The following TMEM62 variants were observed in gnomAD, a reference collection of about 807,000 sequenced individuals.
TMEM62 encodes the protein transmembrane protein 62.
In TMEM62, 41 loss-of-function variants were observed where a neutral mutation model predicts 70.4. The ratio of observed to expected loss-of-function variants is 0.58; its 90% CI spans 0.45 to 0.76. The LOEUF (loss-of-function observed/expected upper bound fraction) is 0.76, where lower values mean the gene tolerates loss of function less well. Among genes scored for constraint, TMEM62 ranks in the 30% least tolerant of loss-of-function variants. The probability of loss-of-function intolerance (pLI) is 0.00; values close to 1 mark genes in which losing one functional copy is unlikely to be tolerated. For synonymous variants in TMEM62, 268 were observed against 291.0 expected, an observed-to-expected ratio of 0.92 and a Z score of 0.80; for missense variants, 688 against 788.5, an observed-to-expected ratio of 0.87 and a Z score of 1.53.
chr15:43,134,395 G>A (rs764984979), intron 2 of TMEM62, 27 bp downstream of exon 2: 1 of 1,556,290 alleles, frequency 6.4e-7, no homozygotes. Context: ...TGCTGTGGTG[G>A]TGGTCTGTGG....
intron 4 of TMEM62, among the ~76,000 whole-genome samples, chr15:43,142,246 A>G (rs968794481): frequency 1.5e-4 from 22 of 148,644 alleles, no homozygotes; most frequent in African/African-American, 5.5e-4. Context: ...GCTCACTGCA[A>G]CCTCCGCCTC....
In TMEM62 at chr15:43,182,453, C is replaced by CT. The variant is rs1216767686; in HGVS notation, c.1605+1171dup. Among the ~76,000 whole-genome samples the CT allele has an allele frequency of 2.5e-3, 354 of 142,128 alleles. 2 individuals carry two copies. Among genetic ancestry groups the CT allele is most frequent in the South Asian group, 0.02 (93 of 4,556 alleles). 93.2% of individuals were successfully genotyped at this position (142,128 alleles called of 152,430 possible). A position where few individuals can be genotyped will look rare whatever the true frequency, so the allele number is the denominator to read the frequency against. On this transcript the variant is annotated intron_variant, in intron 13 of 13. Transcript: ENST00000260403. Reference sequence around the variant, plus strand: ...TTTCAGTTTTCTTTTCTTTTCTTTTCTTTTTTTTTTTTTTTTTGAGATGGA... The same window carrying CT: ...TTTCAGTTTTCTTTTCTTTTCTTTTCTTTTTTTTTTTTTTTTTTGAGATGGA...
At chr15:43,183,411 G>C (rs146571402) in intron 13 of TMEM62, among the ~76,000 whole-genome samples, 1 of 152,314 alleles carries the variant, frequency 6.6e-6, no homozygotes, top group Non-Finnish European at 1.5e-5. Context: ...AGTGATCTGG[G>C]TCCTGCCGAC....
At chr15:43,167,645 C>A (rs1466757363) in intron 10 of TMEM62, among the ~76,000 whole-genome samples, 1 of 149,644 alleles carries the variant, frequency 6.7e-6, no homozygotes, top group East Asian at 2.0e-4. Flanking sequence ...CCAGACTGGG[C>A]AGCCAGGCAG....
chr15:43,184,781 A>G lies in TMEM62; in HGVS notation c.*195A>G, dbSNP rs2041739516. On this transcript the variant is annotated 3_prime_UTR_variant, in exon 14 of 14. Coordinates refer to ENST00000260403, the MANE Select transcript of TMEM62 (RefSeq NM_024956.4). ...CAGAATGGACTGCAGAAAAGTCTCAAAAATAATGCCTTTATTCCTTCCCTC... is the reference window on the plus strand; with the variant it reads ...CAGAATGGACTGCAGAAAAGTCTCAGAAATAATGCCTTTATTCCTTCCCTC... The G allele has an allele frequency of 3.4e-6, 2 of 593,206 alleles. No individual in the cohort carries two copies. The highest frequency in any genetic ancestry group is 1.9e-5 in the African/African-American group (1 of 53,854). The allele number at this position is 593,206 out of a possible 1,614,324, so 36.7% of individuals were successfully genotyped here.
At chr15:43,142,542 C>T (rs1309608889) in intron 4 of TMEM62, among the ~76,000 whole-genome samples, 2 of 152,126 alleles carry the variant, frequency 1.3e-5, no homozygotes, top group Admixed American at 6.5e-5. Flanking sequence ...ACCACAGCCA[C>T]CCCAACCACC....
At chr15:43,153,659 TGTGTGTGTG>T (rs1283090845) in intron 8 of TMEM62, among the ~76,000 whole-genome samples, 1 of 31,836 alleles carries the variant, frequency 3.1e-5, no homozygotes. Flanking sequence ...CATTGTACAT[TGTGTGTGTG>T]TGTGTGTGTG....
Position 43,149,031 on chromosome 15 carries a change from C to T in TMEM62, c.746C>T (p.Ser249Leu), listed in dbSNP as rs1270741636. The T allele has an allele frequency of 6.8e-6, 11 of 1,613,378 alleles. No individual in the cohort carries two copies. Among genetic ancestry groups the T allele is most frequent in the South Asian group, 5.5e-5 (5 of 90,864 alleles). ...TTCATTTATTTTTCATTGGTTAGTT[C>T]GGCTATAGCTTATTTGTGTGGACAT... ...PSPGIRSIMS[S>L]AIAYLCGHLH... Residue 249 changes from serine to leucine, a missense_variant and splice_region_variant, in exon 7 of 14, where the codon TCG becomes TTG. Transcript: ENST00000260403.
intron 9 of TMEM62, among the ~76,000 whole-genome samples, chr15:43,158,384 T>C (rs2038296799): frequency 6.6e-6 from 1 of 152,218 alleles, no homozygotes; most frequent in South Asian, 2.1e-4. Flanking sequence ...TCCTGATTTG[T>C]AGCATTTCCC....
At chr15:43,159,015 T>C (rs1209973679) in intron 9 of TMEM62, among the ~76,000 whole-genome samples, 3 of 152,246 alleles carry the variant, frequency 2.0e-5, no homozygotes, top group Admixed American at 2.0e-4. Flanking sequence ...CCCAGTAGTC[T>C]TTGTTCGTTT....
chr15:43,139,718 A>T (rs2035731730), intron 4 of TMEM62, among the ~76,000 whole-genome samples: 2 of 152,254 alleles, frequency 1.3e-5, no homozygotes, highest in Admixed American at 1.3e-4. Context: ...ATCCAGAGCA[A>T]GATCCTAACT....
At chr15:43,144,307 C>G (rs896721295) in intron 4 of TMEM62, among the ~76,000 whole-genome samples, 7 of 152,176 alleles carry the variant, frequency 4.6e-5, no homozygotes, top group African/African-American at 1.4e-4. Flanking sequence ...AACATTCATA[C>G]TGAGGACTAG....
chr15:43,181,144 T>G, intron 12 of TMEM62, 37 bp from the exon 13 acceptor site: 1 of 1,274,092 alleles, frequency 7.8e-7, no homozygotes, highest in Non-Finnish European at 1.1e-6. Flanking sequence ...ATTATAGTTA[T>G]TTAATCTCCT....
intron 1 of TMEM62, 76 bp from the exon 2 acceptor site, chr15:43,134,181 A>G (rs994660192): frequency 6.5e-7 from 1 of 1,531,918 alleles, no homozygotes; most frequent in Non-Finnish European, 9.0e-7. Flanking sequence ...TCTGCCCGAG[A>G]GAGCCGCTGA....
At chr15:43,175,262 A>G (rs1380850933) in intron 11 of TMEM62, among the ~76,000 whole-genome samples, 1 of 152,242 alleles carries the variant, frequency 6.6e-6, no homozygotes, top group African/African-American at 2.4e-5. Context: ...AAAGTAGGAA[A>G]GGTCATGCAT....
intron 8 of TMEM62, among the ~76,000 whole-genome samples, 164 bp downstream of exon 8, chr15:43,152,109 G>C (rs969991394): frequency 1.3e-5 from 2 of 152,052 alleles, no homozygotes; most frequent in South Asian, 2.1e-4. Context: ...TTTCCATTAA[G>C]TTAAAAAGCA....
intron 11 of TMEM62, among the ~76,000 whole-genome samples, chr15:43,175,983 T>C (rs936089360): frequency 6.6e-6 from 1 of 152,188 alleles, no homozygotes; most frequent in Non-Finnish European, 1.5e-5. Flanking sequence ...CCCACCCTAA[T>C]ACTGCGCTTT....
chr15:43,141,032 A>G (rs1169164090), intron 4 of TMEM62, among the ~76,000 whole-genome samples: 1 of 152,180 alleles, frequency 6.6e-6, no homozygotes, highest in African/African-American at 2.4e-5. Context: ...TACTAGCACC[A>G]TCAAAGCCCA....
chr15:43,178,681 G>A lies in TMEM62; in HGVS notation c.1456G>A (p.Val486Met). 1 of 1,612,422 alleles carries A rather than the reference G, an allele frequency of 6.2e-7. No individual in the cohort carries two copies. The change falls in exon 12 of 14, where the codon GTG becomes ATG. Residue 486 changes from valine to methionine, a missense_variant. By Grantham distance (21) the Val-to-Met change is conservative (BLOSUM62 1). Transcript: ENST00000260403. ...LSKINIFYYS[V>M]LLLTLYTVLG... ...CAAAATAAACATCTTCTACTATTCT[G>A]TGTTGTTGTTGACCCTGTATACAGT...
Sources: allele counts gnomAD v4.1 joint callset (sites outside exome capture counted in the v4.1 genomes callset), GRCh38; gene constraint gnomAD v4.1.1; transcripts MANE v1.5; gene names NCBI Gene and HGNC (gene_info 2026-07-23, HGNC 2026-07-21).